ARHGAP45: variants seen among roughly 807,000 people sequenced by gnomAD.
ARHGAP45 encodes the protein Rho GTPase activating protein 45.
Under a neutral mutation model 116.1 loss-of-function variants are expected in ARHGAP45, and 56 were observed. The observed-to-expected ratio is 0.48, with a 90% CI of 0.39 to 0.60. The LOEUF (loss-of-function observed/expected upper bound fraction) is 0.60. Ranked by LOEUF, ARHGAP45 falls within the 20% of genes least tolerant of loss-of-function variation. The probability of loss-of-function intolerance (pLI) is 0.00; values close to 1 mark genes in which losing one functional copy is unlikely to be tolerated. For missense variants in ARHGAP45, 1,622 were observed against 1,601.0 expected, an observed-to-expected ratio of 1.01 and a Z score of -0.22; for synonymous variants, 866 against 701.7, an observed-to-expected ratio of 1.23 and a Z score of -3.70.
rs1470740681 is a variant in ARHGAP45 at position 1,081,056 on chromosome 19, T to C, written c.2182T>C (p.Cys728Arg). The C allele has an allele frequency of 6.2e-7, 1 of 1,605,612 alleles. No homozygotes were observed. Among genetic ancestry groups the C allele is most frequent in the Non-Finnish European group, 8.5e-7 (1 of 1,177,390 alleles). ...NSYVYFQGAE[C>R]EECCLACHKK... ...CTACGTCTACTTCCAGGGTGCTGAGTGTGAAGAGGTGAGTGGGACGCCCCG... is the reference window on the plus strand; with the variant it reads ...CTACGTCTACTTCCAGGGTGCTGAGCGTGAAGAGGTGAGTGGGACGCCCCG... The change falls in exon 17 of 23, where the codon TGT becomes CGT. Residue 728 changes from cysteine (C) to arginine (R), a missense_variant. By Grantham distance (180) the Cys-to-Arg change is radical. Transcript: ENST00000313093.
chr19:1,067,193 G>A lies in ARHGAP45; in HGVS notation c.-213G>A. 2 of 1,328,716 alleles carry A rather than the reference G, an allele frequency of 1.5e-6. No individual in the cohort carries two copies. Among genetic ancestry groups the A allele is most frequent in the Non-Finnish European group, 9.6e-7 (1 of 1,044,312 alleles). The allele number at this position is 1,328,716 out of a possible 1,614,324, so 82.3% of individuals were successfully genotyped here. On this transcript the variant is annotated 5_prime_UTR_variant, in exon 1 of 23. Transcript: ENST00000313093. Reference sequence around the variant, plus strand: ...CTCCGCAGAGCCGCAGGCTGAGGCCGGGAAGGGTCGGGGGCGAGGCCGCGT... The same window carrying A: ...CTCCGCAGAGCCGCAGGCTGAGGCCAGGAAGGGTCGGGGGCGAGGCCGCGT...
At chr19:1,085,371 G>A (rs1297118759) in intron 22 of ARHGAP45, among the ~76,000 whole-genome samples, 2 of 152,076 alleles carry the variant, frequency 1.3e-5, no homozygotes, top group African/African-American at 4.8e-5. Flanking sequence ...TGGGAATTAT[G>A]GGAGCTACAA....
intron 11 of ARHGAP45, among the ~76,000 whole-genome samples, chr19:1,078,358 T>C (rs1181463215): frequency 6.6e-6 from 1 of 152,026 alleles, no homozygotes; most frequent in African/African-American, 2.4e-5. Context: ...TTAGCCAGGA[T>C]GGTCTCGATC....
At chr19:1,082,804 G>T in intron 19 of ARHGAP45, 36 bp from the exon 20 acceptor site, 1 of 1,451,488 alleles carries the variant, frequency 6.9e-7, no homozygotes, top group Non-Finnish European at 9.1e-7. Context: ...GCTGGGCCAG[G>T]CCCACCAACA....
Position 1,071,564 on chromosome 19 carries a change from C to A in ARHGAP45, c.422-1585C>A. 4.7e-6 allele frequency: 1 copy of A among 211,770 alleles called. No individual in the cohort carries two copies. Among genetic ancestry groups the A allele is most frequent in the Non-Finnish European group, 8.2e-6 (1 of 121,750 alleles). 13.1% of individuals were successfully genotyped at this position (211,770 alleles called of 1,614,324 possible). ...GTGCGGGGACAGCCGGGGGTCCGTG[C>A]GCCGGCCGCGCGCGGAGTGCCGGGT... On this transcript the variant is annotated intron_variant, in intron 2 of 22. Coordinates refer to ENST00000313093, the MANE Select transcript of ARHGAP45 (RefSeq NM_012292.5). This position sits in a 1 kb window ranked among gnomAD's most constrained non-coding sequence, Gnocchi z 4.6.
chr19:1,085,074 T>A (rs953689911), intron 22 of ARHGAP45, among the ~76,000 whole-genome samples: 1 of 152,072 alleles, frequency 6.6e-6, no homozygotes, highest in African/African-American at 2.4e-5. Context: ...AGAGAGAGAC[T>A]CTGTCTCAAA....
At chr19:1,079,568 G>T (rs2043365158) in intron 11 of ARHGAP45, 135 bp from the exon 12 acceptor site, 3 of 1,072,266 alleles carry the variant, frequency 2.8e-6, no homozygotes, top group Non-Finnish European at 4.0e-6. Flanking sequence ...CGAACTCCTG[G>T]CCTCAAGCAA....
intron 22 of ARHGAP45, among the ~76,000 whole-genome samples, chr19:1,084,832 T>C (rs2043555517): frequency 6.6e-6 from 1 of 152,154 alleles, no homozygotes; most frequent in African/African-American, 2.4e-5. Context: ...ACGCCTGTAA[T>C]CCTCGCACTT....
intron 2 of ARHGAP45, 95 bp from the exon 3 acceptor site, chr19:1,073,054 C>T (rs944115712): frequency 1.4e-6 from 2 of 1,415,190 alleles, no homozygotes; most frequent in Non-Finnish European, 1.9e-6. Flanking sequence ...TCAGTTTCCC[C>T]ATCTGGGAAC....
Position 1,085,260 on chromosome 19 carries a change from C to T in ARHGAP45, c.3065-400C>T, listed in dbSNP as rs571822304. On this transcript the variant is annotated intron_variant, in intron 22 of 22. Transcript: ENST00000313093. ...GTGTCCGGAAACTCCAGTTTTTAGA[C>T]CATCAGATCTTGTGAAACCCACGTA... Among the ~76,000 whole-genome samples, 36 of 152,250 alleles carry T rather than the reference C, an allele frequency of 2.4e-4. 2 individuals are homozygous for T. The South Asian group carries it at 7.5e-3, about 32-fold the overall frequency.
At position 1,074,185 on chromosome 19, in the gene ARHGAP45, A is replaced by G. The variant is rs1439332989; in HGVS notation, c.872A>G (p.Asn291Ser). 1 of 1,613,446 alleles carries G rather than the reference A, an allele frequency of 6.2e-7. No homozygotes were observed. Among genetic ancestry groups the G allele is most frequent in the South Asian group, 1.1e-5 (1 of 91,086 alleles). ...GVDAALLYAK[N>S]MAKYMKDLIS... ...GATGCCGCACTGCTGTATGCCAAGA[A>G]CATGGCCAAGTACATGAAGGACCTC... The change falls in exon 7 of 23, where the codon AAC becomes AGC. Residue 291 changes from asparagine (N) to serine (S), a missense_variant. Asn to Ser is a conservative substitution (Grantham distance 46). Coordinates refer to ENST00000313093, the MANE Select transcript of ARHGAP45 (RefSeq NM_012292.5).
intron 2 of ARHGAP45, among the ~76,000 whole-genome samples, chr19:1,072,443 C>T (rs948843714): frequency 6.6e-6 from 1 of 152,078 alleles, no homozygotes; most frequent in African/African-American, 2.4e-5. Flanking sequence ...CTTACAGAGA[C>T]AGGGTCTTAC....
chr19:1,071,203 C>T lies in ARHGAP45; in HGVS notation c.422-1946C>T, dbSNP rs1274044224. 2 of 1,405,326 alleles carry T rather than the reference C, an allele frequency of 1.4e-6. No homozygotes were observed. The highest frequency in any genetic ancestry group is 1.5e-5 in the African/African-American group (1 of 64,816). The allele number at this position is 1,405,326 out of a possible 1,614,324, so 87.1% of individuals were successfully genotyped here. A position where few individuals can be genotyped will look rare whatever the true frequency, so the allele number is the denominator to read the frequency against. On this transcript the variant is annotated intron_variant, in intron 2 of 22. Coordinates refer to ENST00000313093, the MANE Select transcript of ARHGAP45 (RefSeq NM_012292.5). The surrounding 1 kb of genome is among the most constrained non-coding windows in gnomAD (Gnocchi z 4.6). Reference sequence around the variant, plus strand: ...GCGGGGGCGGGGCCTCCTGACCGGCCGGAGCCGGTTTGGCCACCGGAGACC... The same window carrying T: ...GCGGGGGCGGGGCCTCCTGACCGGCTGGAGCCGGTTTGGCCACCGGAGACC...
In ARHGAP45 at chr19:1,083,234, G is replaced by T. The variant is rs761772625; in HGVS notation, c.2836G>T (p.Ala946Ser). 1.4e-5 allele frequency: 22 copies of T among 1,607,520 alleles called. No homozygotes were observed. Among genetic ancestry groups the T allele is most frequent in the South Asian group, 3.3e-5 (3 of 89,754 alleles). The change falls in exon 21 of 23, where the codon GCC (alanine) becomes TCC (serine). Residue 946 changes from alanine to serine, a missense_variant. Around this residue, in one of 3 missense-constraint regions of ARHGAP45, gnomAD observed 1,334 missense variants for 1,263.8 expected, o/e 1.06. Transcript: ENST00000313093. ...PTLLRPRPTE[A>S]TVSLSSLVDY... ...GCTGCTTCGGCCACGGCCCACCGAG[G>T]CCACCGTGTCCCTCTCCTCCCTGGT...
At position 1,068,043 on chromosome 19, in the gene ARHGAP45, GGACA is replaced by G. The variant is rs1049982509; in HGVS notation, c.91-364_91-361del. On this transcript the variant is annotated intron_variant, in intron 1 of 22. Coordinates refer to ENST00000313093, the MANE Select transcript of ARHGAP45 (RefSeq NM_012292.5). The surrounding 1 kb of genome is among the most constrained non-coding windows in gnomAD (Gnocchi z 7.5). Reference sequence around the variant, plus strand: ...CTCTGGGGTTCCATGGACCTTTAGGGGACAGACAGAGTCAGAAGTGTGTTCACTT... The same window carrying G: ...CTCTGGGGTTCCATGGACCTTTAGGGGACAGAGTCAGAAGTGTGTTCACTT... Among the ~76,000 whole-genome samples the G allele has an allele frequency of 9.2e-5, 14 of 152,076 alleles. No homozygotes were observed. The highest frequency in any genetic ancestry group is 2.1e-4 in the South Asian group (1 of 4,816).
chr19:1,081,079 C>T lies in ARHGAP45; in HGVS notation c.2190+15C>T, dbSNP rs1054921586. 1 of 1,593,278 alleles carries T rather than the reference C, an allele frequency of 6.3e-7. No individual in the cohort carries two copies. Among genetic ancestry groups the T allele is most frequent in the Non-Finnish European group, 8.5e-7 (1 of 1,170,184 alleles). ...AGTGTGAAGAGGTGAGTGGGACGCC[C>T]CGACGGACAGCTGGGAGCCTTCGGG... On this transcript the variant is annotated intron_variant, in intron 17 of 22. Coordinates refer to ENST00000313093, the MANE Select transcript of ARHGAP45 (RefSeq NM_012292.5).
chr19:1,086,293 G>A lies in ARHGAP45; in HGVS notation c.*287G>A. 1 of 391,606 alleles carries A rather than the reference G, an allele frequency of 2.6e-6. No individual in the cohort carries two copies. The highest frequency in any genetic ancestry group is 4.7e-6 in the Non-Finnish European group (1 of 212,196). The allele number at this position is 391,606 out of a possible 1,614,324, so 24.3% of individuals were successfully genotyped here. ...CACAGTGGCCTTGTTGGTGCCCACAGGGCTGTGTGGATGGAGGAAGCTGTC... is the reference window on the plus strand; with the variant it reads ...CACAGTGGCCTTGTTGGTGCCCACAAGGCTGTGTGGATGGAGGAAGCTGTC... On this transcript the variant is annotated 3_prime_UTR_variant, in exon 23 of 23. Transcript: ENST00000313093.
intron 19 of ARHGAP45, among the ~76,000 whole-genome samples, chr19:1,082,278 GCGGGGC>G (rs151165236): frequency 0.33 from 44,917 of 136,248 alleles, 8,457 homozygotes; most frequent in African/African-American, 0.44. Context: ...CTGTGCGGGG[GCGGGGC>G]CGGGGCCGGG....
At position 1,079,690 on chromosome 19, in the gene ARHGAP45, G is replaced by GC. The variant is rs2043369717; in HGVS notation, c.1375-8dup. 1 of 1,611,846 alleles carries GC rather than the reference G, an allele frequency of 6.2e-7. No homozygotes were observed. Among genetic ancestry groups the GC allele is most frequent in the Admixed American group, 1.7e-5 (1 of 59,938 alleles). The stretch of plus-strand genomic sequence containing the variant: ...GCTGAGGCCTCTCTCTGTGCGCCCC[G>GC]CCCCCACCGCAGGCGGAGGAAGCTA... On this transcript the variant is annotated splice_polypyrimidine_tract_variant and intron_variant, in intron 11 of 22. Coordinates refer to ENST00000313093, the MANE Select transcript of ARHGAP45 (RefSeq NM_012292.5).
Sources: gnomAD v4.1 joint callset for allele counts (sites outside exome capture counted in the v4.1 genomes callset) on GRCh38, gnomAD v4.1.1 for gene constraint, gnomAD v4.1.1 regional missense constraint, Gnocchi (gnomAD v3.1) non-coding constraint, MANE v1.5 for transcripts, NCBI Gene and HGNC (gene_info 2026-07-23, HGNC 2026-07-21) for gene names.